KCNH5: variants seen among roughly 807,000 people sequenced by gnomAD.
KCNH5 encodes the protein potassium voltage-gated channel subfamily H member 5.
In KCNH5, 46 loss-of-function variants were observed where a neutral mutation model predicts 96.1. That is an observed-to-expected ratio of 0.48 (90% CI 0.38 to 0.61). The LOEUF (loss-of-function observed/expected upper bound fraction) is 0.61, where lower values mean the gene tolerates loss of function less well. Ranked by LOEUF, KCNH5 falls within the 20% of genes least tolerant of loss-of-function variation. The pLI, the probability that KCNH5 is intolerant of heterozygous loss-of-function variation, is 0.00. For synonymous variants in KCNH5, 439 were observed against 449.8 expected (o/e 0.98, Z 0.30); for missense variants, 907 against 1,225.8 (o/e 0.74, Z 3.88).
intron 7 of KCNH5, among the ~76,000 whole-genome samples, chr14:62,933,289 CA>C (rs1303922556): frequency 2.0e-5 from 3 of 152,012 alleles, no homozygotes; most frequent in Non-Finnish European, 4.4e-5. Flanking sequence ...TAGGGGAAAT[CA>C]AATGTTGTAC....
intron 1 of KCNH5, among the ~76,000 whole-genome samples, chr14:63,025,467 G>GA (rs1303618943): frequency 1.3e-5 from 2 of 151,842 alleles, no homozygotes; most frequent in Admixed American, 6.6e-5. Flanking sequence ...CTTATATGTA[G>GA]AAAAAAACTA....
intron 1 of KCNH5, among the ~76,000 whole-genome samples, chr14:63,029,281 C>G (rs1012165975): frequency 6.8e-6 from 1 of 147,136 alleles, no homozygotes; most frequent in Non-Finnish European, 1.5e-5. Flanking sequence ...GAACTTGGAT[C>G]CCTTCTCCGT....
chr14:62,722,206 G>T (rs948021390), intron 10 of KCNH5, among the ~76,000 whole-genome samples: 9 of 152,122 alleles, frequency 5.9e-5, no homozygotes, highest in African/African-American at 2.2e-4. Context: ...CTTGCCTGAG[G>T]CCATTAAATG....
At chr14:62,771,497 C>T (rs968051382) in intron 10 of KCNH5, among the ~76,000 whole-genome samples, 1 of 151,996 alleles carries the variant, frequency 6.6e-6, no homozygotes, top group African/African-American at 2.4e-5. Context: ...TGGTGGCAGG[C>T]GCCTGTAGTC....
intron 3 of KCNH5, among the ~76,000 whole-genome samples, chr14:63,004,392 G>A (rs1026291206): frequency 6.6e-6 from 1 of 152,132 alleles, no homozygotes; most frequent in African/African-American, 2.4e-5. Context: ...ATGCTATGGG[G>A]TATATATCCC....
At chr14:62,991,250 A>T (rs1156485928) in intron 4 of KCNH5, among the ~76,000 whole-genome samples, 1 of 152,102 alleles carries the variant, frequency 6.6e-6, no homozygotes, top group Non-Finnish European at 1.5e-5. Context: ...AGAAGAAAAT[A>T]CATTCAGTTC....
intron 6 of KCNH5, among the ~76,000 whole-genome samples, chr14:62,956,411 C>T (rs913697710): frequency 1.3e-5 from 2 of 152,048 alleles, no homozygotes; most frequent in Non-Finnish European, 2.9e-5. Context: ...TATTTTGTTT[C>T]CTAACACAGC....
At chr14:62,872,240 G>C (rs1248351315) in intron 7 of KCNH5, among the ~76,000 whole-genome samples, 3 of 152,116 alleles carry the variant, frequency 2.0e-5, no homozygotes, top group Admixed American at 2.0e-4. Flanking sequence ...GCCCAATGCT[G>C]GTGGTTTTAA....
intron 8 of KCNH5, among the ~76,000 whole-genome samples, chr14:62,848,962 G>T (rs1056787039): frequency 2.6e-5 from 4 of 152,164 alleles, no homozygotes; most frequent in South Asian, 2.1e-4. Context: ...AATCAGCTGG[G>T]TGTAGGAAGT....
At chr14:62,909,888 T>C (rs1889116226) in intron 7 of KCNH5, among the ~76,000 whole-genome samples, 1 of 152,134 alleles carries the variant, frequency 6.6e-6, no homozygotes, top group African/African-American at 2.4e-5. Context: ...CCATTGTACT[T>C]ATCTCTTCTA....
intron 7 of KCNH5, among the ~76,000 whole-genome samples, chr14:62,920,647 T>C (rs951221336): frequency 6.6e-6 from 1 of 152,138 alleles, no homozygotes; most frequent in African/African-American, 2.4e-5. Flanking sequence ...TGAAACAAAC[T>C]GATTTAGGGT....
At chr14:62,726,183 A>G (rs1884921205) in intron 10 of KCNH5, among the ~76,000 whole-genome samples, 1 of 152,244 alleles carries the variant, frequency 6.6e-6, no homozygotes, top group South Asian at 2.1e-4. Flanking sequence ...TGATACGTAA[A>G]AAAACATAAA....
intron 9 of KCNH5, among the ~76,000 whole-genome samples, chr14:62,781,197 C>A (rs1345261569): frequency 1.3e-5 from 2 of 152,076 alleles, no homozygotes; most frequent in Non-Finnish European, 2.9e-5. Context: ...GCCACAAAAA[C>A]CAGCAAGTTT....
Position 62,703,729 on chromosome 14 carries a change from CAT to C in KCNH5, c.*3777_*3778del, listed in dbSNP as rs1243279540. ...AGAAAAAATTATAGCACAACATTCA[CAT>C]GATTATAAAATATTCATATTTGAAA... On this transcript the variant is annotated 3_prime_UTR_variant, in exon 11 of 11. Coordinates refer to ENST00000322893, the MANE Select transcript of KCNH5 (RefSeq NM_139318.5). 6.6e-6 allele frequency: 1 copy of C among 151,706 alleles called. No individual in the cohort carries two copies. Among genetic ancestry groups the C allele is most frequent in the East Asian group, 1.9e-4 (1 of 5,188 alleles). 9.4% of individuals were successfully genotyped at this position (151,706 alleles called of 1,614,324 possible). A position where few individuals can be genotyped will look rare whatever the true frequency, so the allele number is the denominator to read the frequency against.
At chr14:62,947,090 T>A (rs957783892) in intron 7 of KCNH5, among the ~76,000 whole-genome samples, 2 of 152,178 alleles carry the variant, frequency 1.3e-5, no homozygotes, top group African/African-American at 4.8e-5. Flanking sequence ...TATAGTTATA[T>A]AAGATGTAAT....
chr14:63,028,442 C>T (rs1441810510), intron 1 of KCNH5, among the ~76,000 whole-genome samples: 2 of 152,146 alleles, frequency 1.3e-5, no homozygotes, highest in Non-Finnish European at 2.9e-5. Context: ...AGGAAAACTT[C>T]ATTTCTTCCT....
intron 8 of KCNH5, among the ~76,000 whole-genome samples, chr14:62,840,566 CTTTTTTTTTTTTTTT>C (rs71120238): frequency 1.3e-5 from 1 of 76,366 alleles, no homozygotes; most frequent in Non-Finnish European, 2.3e-5. Flanking sequence ...TCTTTTTTTT[CTTTTTTTTTTTTTTT>C]TTTTTTTTGA....
At chr14:62,885,220 A>G (rs10873165) in intron 7 of KCNH5, among the ~76,000 whole-genome samples, 17,399 of 152,212 alleles carry the variant, frequency 0.11, 1,229 homozygotes, top group East Asian at 0.27. Context: ...TAATGTTACT[A>G]GACAAGCTTT....
intron 7 of KCNH5, among the ~76,000 whole-genome samples, chr14:62,918,883 TG>T (rs1366974707): frequency 6.6e-6 from 1 of 152,102 alleles, no homozygotes; most frequent in Non-Finnish European, 1.5e-5. Flanking sequence ...TAATTGTCCA[TG>T]TACCAAAATA....
Sources: allele counts gnomAD v4.1 joint callset (sites outside exome capture counted in the v4.1 genomes callset), GRCh38; gene constraint gnomAD v4.1.1; transcripts MANE v1.5; gene names NCBI Gene and HGNC (gene_info 2026-07-23, HGNC 2026-07-21).